Variants in ATP10B observed in about 807,000 individuals in gnomAD.
ATP10B encodes the protein ATPase phospholipid transporting 10B (putative).
ATP10B carries 122 observed loss-of-function variants against 141.2 expected under a neutral mutation model. That is an observed-to-expected ratio of 0.86 (90% CI 0.75 to 1.00). The LOEUF (loss-of-function observed/expected upper bound fraction) is 1.00, where lower values mean the gene tolerates loss of function less well. Ranked by LOEUF, ATP10B falls within the 50% of genes least tolerant of loss-of-function variation. The pLI is 0.00. For missense variants in ATP10B, 1,876 were observed against 1,825.3 expected (o/e 1.03, Z -0.51); for synonymous variants, 685 against 692.0 (o/e 0.99, Z 0.16).
chr5:160,632,183 C>T lies in ATP10B; in HGVS notation c.1566G>A (p.Arg522=). The T allele has an allele frequency of 6.2e-7, 1 of 1,614,206 alleles. No individual in the cohort carries two copies. Among genetic ancestry groups the T allele is most frequent in the Non-Finnish European group, 8.5e-7 (1 of 1,180,042 alleles). ...GTGAGCTTTCACGGTGCCCCATAGACCTTTGCCGGTAGTGGCCCTGGATGG... is the reference window on the plus strand; with the variant it reads ...GTGAGCTTTCACGGTGCCCCATAGATCTTTGCCGGTAGTGGCCCTGGATGG... ...RVPIQGHYRQ[R]SMGHRESSQP... Residue 522 remains arginine, a synonymous_variant, in exon 13 of 26, where the codon AGG becomes AGA. Coordinates refer to ENST00000327245, the MANE Select transcript of ATP10B (RefSeq NM_025153.3).
chr5:160,591,321 G>T (rs1378174172), intron 22 of ATP10B, among the ~76,000 whole-genome samples, 182 bp from the exon 23 acceptor site: 1 of 152,154 alleles, frequency 6.6e-6, no homozygotes, highest in Admixed American at 6.5e-5. Context: ...CAGTTCAACT[G>T]TGTGACCTTG....
intron 21 of ATP10B, 150 bp downstream of exon 21, chr5:160,602,427 A>C: frequency 2.1e-6 from 2 of 968,298 alleles, no homozygotes; most frequent in Non-Finnish European, 3.0e-6. Flanking sequence ...AAGGTCACAG[A>C]GCTATTAAGG....
At chr5:160,596,008 T>C (rs969451012) in intron 22 of ATP10B, among the ~76,000 whole-genome samples, 14 of 151,832 alleles carry the variant, frequency 9.2e-5, no homozygotes, top group Non-Finnish European at 1.3e-4. Context: ...TTCCAATCAA[T>C]AGAAAAAGAG....
At chr5:160,906,347 C>A in the ATP10B span, among the ~76,000 whole-genome samples, 91 of 152,118 alleles carry the variant, frequency 6.0e-4, no homozygotes, top group African/African-American at 2.1e-3. Flanking sequence ...TCGACCAGTT[C>A]ACTCTCCATA....
chr5:160,799,838 C>CT (rs1409662650), intron 1 of ATP10B, among the ~76,000 whole-genome samples: 2 of 152,178 alleles, frequency 1.3e-5, no homozygotes, highest in African/African-American at 4.8e-5. Flanking sequence ...AATTTTCCTT[C>CT]TTCCTTAAAA....
At chr5:160,909,500 G>C in the ATP10B span, among the ~76,000 whole-genome samples, 1 of 152,298 alleles carries the variant, frequency 6.6e-6, no homozygotes, top group East Asian at 1.9e-4. Context: ...GGCTTTTGCA[G>C]AACCATTTCT....
Position 160,569,578 on chromosome 5 carries a change from A to G in ATP10B, c.3856T>C (p.Tyr1286His). The change falls in exon 25 of 26, where the codon TAT (tyrosine) becomes CAT (histidine). Residue 1286 changes from tyrosine (Y) to histidine (H), a missense_variant. Coordinates refer to ENST00000327245, the MANE Select transcript of ATP10B (RefSeq NM_025153.3). ...GAGAGCTGGCCTTCCATCACCCAAT[A>G]GGGATTGGTGGGGCTGTTGCAGATG... ...CVICNSPTNP[Y>H]WVMEGQLSNP... The G allele has an allele frequency of 6.2e-7, 1 of 1,613,836 alleles. No individual in the cohort carries two copies. Among genetic ancestry groups the G allele is most frequent in the Non-Finnish European group, 8.5e-7 (1 of 1,179,860 alleles).
rs1772840883 is a variant in ATP10B at position 160,807,266 on chromosome 5, T to C, written c.-575-21463A>G. The stretch of plus-strand genomic sequence containing the variant: ...AGTGATTGTCTCTGGTAAGGGAAAC[T>C]ATTTGGTGAGGGGCAAGGAAGGAGG... On this transcript the variant is annotated intron_variant, in intron 1 of 25. Coordinates refer to ENST00000327245, the MANE Select transcript of ATP10B (RefSeq NM_025153.3). 2.0e-5 allele frequency among the ~76,000 whole-genome samples: 3 copies of C among 152,332 alleles called. No homozygotes were observed. The South Asian group carries it at 6.2e-4, about 32-fold the overall frequency.
the ATP10B span, among the ~76,000 whole-genome samples, chr5:160,870,420 C>A: frequency 1.9e-3 from 287 of 150,050 alleles, 2 homozygotes; most frequent in African/African-American, 5.1e-3. Context: ...AAAAAAAAAA[C>A]CCCACAATTT....
intron 18 of ATP10B, among the ~76,000 whole-genome samples, chr5:160,608,280 T>C (rs1462242549): frequency 6.6e-6 from 1 of 152,244 alleles, no homozygotes; most frequent in East Asian, 1.9e-4. Context: ...TATGGCTGCA[T>C]AGTATTCCAT....
the ATP10B span, among the ~76,000 whole-genome samples, chr5:160,890,156 T>A: frequency 6.6e-6 from 1 of 152,348 alleles, no homozygotes; most frequent in South Asian, 2.1e-4. Flanking sequence ...GCAGAGACCA[T>A]GTATTATTTG....
chr5:160,837,403 G>A (rs189619390), intron 1 of ATP10B, among the ~76,000 whole-genome samples: 10 of 152,224 alleles, frequency 6.6e-5, no homozygotes, highest in African/African-American at 2.4e-4. Flanking sequence ...GACCATAACA[G>A]GACCTTGTTA....
the ATP10B span, among the ~76,000 whole-genome samples, chr5:160,914,702 CAAGATCA>C: frequency 6.6e-6 from 1 of 152,140 alleles, no homozygotes; most frequent in Non-Finnish European, 1.5e-5. Flanking sequence ...TATAGGTAGG[CAAGATCA>C]TACGCCCAGG....
At chr5:160,569,791 A>C (rs934213079) in intron 24 of ATP10B, 108 bp from the exon 25 acceptor site, 2 of 924,886 alleles carry the variant, frequency 2.2e-6, no homozygotes, top group Non-Finnish European at 3.1e-6. Flanking sequence ...GAAATGCAAA[A>C]CACACAAAAT....
the ATP10B span, among the ~76,000 whole-genome samples, chr5:160,921,678 C>T: frequency 6.6e-6 from 1 of 152,164 alleles, no homozygotes; most frequent in Non-Finnish European, 1.5e-5. Context: ...AACCTAAGTT[C>T]CATTGAAATG....
chr5:160,801,260 C>T (rs949207383), intron 1 of ATP10B, among the ~76,000 whole-genome samples: 3 of 152,196 alleles, frequency 2.0e-5, no homozygotes, highest in African/African-American at 7.2e-5. Context: ...CTGTCCCTCT[C>T]TGCAACTTAT....
chr5:160,912,491 TG>T, the ATP10B span, among the ~76,000 whole-genome samples: 1 of 150,334 alleles, frequency 6.7e-6, no homozygotes, highest in Non-Finnish European at 1.5e-5. Flanking sequence ...CCCAGCTACT[TG>T]GGAGGCTGAC....
At chr5:160,669,286 C>T (rs965103) in intron 7 of ATP10B, among the ~76,000 whole-genome samples, 132,874 of 152,264 alleles carry the variant, frequency 0.87, 58,212 homozygotes, top group African/African-American at 0.92. Context: ...TGCCTATCTT[C>T]ATGCTAAGTA....
At chr5:160,888,439 G>A in the ATP10B span, among the ~76,000 whole-genome samples, 2 of 152,078 alleles carry the variant, frequency 1.3e-5, no homozygotes, top group Non-Finnish European at 2.9e-5. Context: ...GAAGTCTCTC[G>A]ATGTCTAGGC....
Sources: gnomAD v4.1 joint callset for allele counts (sites outside exome capture counted in the v4.1 genomes callset) on GRCh38, gnomAD v4.1.1 for gene constraint, MANE v1.5 for transcripts, NCBI Gene and HGNC (gene_info 2026-07-23, HGNC 2026-07-21) for gene names.